GPLD1: variants seen among roughly 807,000 people sequenced by gnomAD.
The protein encoded by GPLD1 is glycosylphosphatidylinositol specific phospholipase D1.
A neutral mutation model predicts 112.6 loss-of-function variants in GPLD1; 84 were observed. That is an observed-to-expected ratio of 0.75 (90% CI 0.63 to 0.89). The LOEUF (loss-of-function observed/expected upper bound fraction) is 0.89. Ranked by LOEUF, GPLD1 falls within the 40% of genes least tolerant of loss-of-function variation. GPLD1 has a pLI of 0.00. For synonymous variants in GPLD1, 386 were observed against 403.8 expected (o/e 0.96, Z 0.53); for missense variants, 1,044 against 1,051.5 (o/e 0.99, Z 0.10).
intron 12 of GPLD1, among the ~76,000 whole-genome samples, chr6:24,459,814 G>A (rs947347607): frequency 1.3e-5 from 2 of 152,200 alleles, no homozygotes; most frequent in African/African-American, 2.4e-5. Context: ...TCCAAAGAAG[G>A]ATTGGCCTGG....
At chr6:24,468,026 C>T (rs906298434) in intron 7 of GPLD1, among the ~76,000 whole-genome samples, 9 of 152,176 alleles carry the variant, frequency 5.9e-5, no homozygotes, top group African/African-American at 2.2e-4. Context: ...CCTGCCTCAG[C>T]CTCCCAAGCA....
Position 24,476,223 on chromosome 6 carries a change from G to T in GPLD1, c.288C>A (p.Ser96Arg), listed in dbSNP as rs145430314. Reference protein sequence around the residue: ...STHWTPFLNASVHYIRENYPL... With the variant: ...STHWTPFLNARVHYIRENYPL... Reference sequence around the variant, plus strand: ...GATAGTTCTCTCGGATATAATGAACGCTTGCATTAAGAAACGGAGTCCAGT... The same window carrying T: ...GATAGTTCTCTCGGATATAATGAACTCTTGCATTAAGAAACGGAGTCCAGT... Residue 96 changes from serine to arginine, a missense_variant, in exon 4 of 25, where the codon AGC (serine) becomes AGA (arginine). Transcript: ENST00000230036. The T allele has an allele frequency of 1.9e-6, 3 of 1,576,226 alleles. No homozygotes were observed. The Admixed American group carries it at 5.3e-5, about 28-fold the overall frequency.
intron 1 of GPLD1, among the ~76,000 whole-genome samples, chr6:24,487,133 C>CTATAT (rs10640569): frequency 0.19 from 29,075 of 151,920 alleles, 3,047 homozygotes; most frequent in African/African-American, 0.28. Context: ...ATTGCCACTA[C>CTATAT]TATAAGCATT....
At chr6:24,473,551 C>T (rs1299769053) in intron 6 of GPLD1, 68 bp downstream of exon 6, 1 of 933,612 alleles carries the variant, frequency 1.1e-6, no homozygotes, top group East Asian at 2.4e-5. Flanking sequence ...ATATTTAAAG[C>T]ACAGTAGTGA....
intron 2 of GPLD1, among the ~76,000 whole-genome samples, chr6:24,484,300 C>T (rs1289100702): frequency 6.6e-6 from 1 of 151,350 alleles, no homozygotes; most frequent in East Asian, 2.0e-4. Flanking sequence ...CAGCCTCTAC[C>T]TCCCGGGTTC....
intron 14 of GPLD1, among the ~76,000 whole-genome samples, chr6:24,451,273 C>G (rs1763073796): frequency 6.6e-6 from 1 of 152,128 alleles, no homozygotes; most frequent in Non-Finnish European, 1.5e-5. Flanking sequence ...CTTTCTTATC[C>G]TACCGTCTGG....
At chr6:24,424,895 C>T (rs931886624), downstream of GPLD1, 1 of 152,160 alleles carries the variant, frequency 6.6e-6, no homozygotes, top group Non-Finnish European at 1.5e-5. Context: ...AAATGTTACT[C>T]CCGTCGCTGA....
intron 7 of GPLD1, among the ~76,000 whole-genome samples, chr6:24,469,513 T>C (rs2127357027): frequency 1.1e-5 from 1 of 92,160 alleles, no homozygotes; most frequent in East Asian, 2.8e-4. Context: ...TCATTCTCAG[T>C]AAACTATCGC....
At chr6:24,447,831 A>G (rs780538626) in intron 17 of GPLD1, 46 bp downstream of exon 17, 63 of 1,586,592 alleles carry the variant, frequency 4.0e-5, no homozygotes, top group Non-Finnish European at 5.2e-5. Flanking sequence ...GTTGTCGTAG[A>G]CACACAGAGC....
intron 7 of GPLD1, among the ~76,000 whole-genome samples, chr6:24,468,616 C>T (rs185266377): frequency 2.4e-4 from 37 of 151,214 alleles, no homozygotes; most frequent in African/African-American, 8.7e-4. Context: ...TGCAGTGGTG[C>T]GATATCGGTT....
chr6:24,481,937 C>T (rs917093510), intron 2 of GPLD1, among the ~76,000 whole-genome samples: 2 of 152,026 alleles, frequency 1.3e-5, no homozygotes, highest in South Asian at 4.1e-4. Flanking sequence ...TGTATTAAGA[C>T]TTGTTGAATC....
chr6:24,440,591 A>AAAAAAAAG (rs1762714026), intron 20 of GPLD1, among the ~76,000 whole-genome samples: 1 of 150,404 alleles, frequency 6.6e-6, no homozygotes, highest in Non-Finnish European at 1.5e-5. Flanking sequence ...CAAAAAAAAA[A>AAAAAAAAG]AAAAAAGAAG....
intron 20 of GPLD1, among the ~76,000 whole-genome samples, chr6:24,440,525 G>T (rs1477719429): frequency 7.1e-6 from 1 of 141,450 alleles, no homozygotes; most frequent in Non-Finnish European, 1.5e-5. Flanking sequence ...TCAAAACTAT[G>T]AAGATGTCAA....
At chr6:24,453,684 T>A (rs1763167707) in intron 14 of GPLD1, among the ~76,000 whole-genome samples, 1 of 120,996 alleles carries the variant, frequency 8.3e-6, no homozygotes, top group South Asian at 3.1e-4. Context: ...CAAAGTTTTA[T>A]AAATACATAC....
intron 12 of GPLD1, among the ~76,000 whole-genome samples, chr6:24,459,453 CATT>C (rs4052660): frequency 0.42 from 63,626 of 151,752 alleles, 13,649 homozygotes; most frequent in Middle Eastern, 0.48. Context: ...GACAGGGTCT[CATT>C]ATGTTACCCA....
chr6:24,492,530 GAAAGAAAAA>G (rs1275293205), upstream of GPLD1, among the ~76,000 whole-genome samples: 3 of 142,414 alleles, frequency 2.1e-5, no homozygotes, highest in African/African-American at 5.2e-5. Context: ...AAAAAAAAGT[GAAAGAAAAA>G]AAAGAAAAAG....
intron 3 of GPLD1, among the ~76,000 whole-genome samples, chr6:24,477,605 C>T (rs1341107855): frequency 6.6e-6 from 1 of 151,814 alleles, no homozygotes; most frequent in Non-Finnish European, 1.5e-5. Context: ...TGGTACACAC[C>T]TATAGTCTCA....
intron 1 of GPLD1, among the ~76,000 whole-genome samples, chr6:24,487,349 T>C (rs1764412075): frequency 6.9e-6 from 1 of 145,382 alleles, no homozygotes; most frequent in Non-Finnish European, 1.5e-5. Context: ...GTTTTGGTCT[T>C]CTTCTATGTA....
chr6:24,474,079 T>A (rs571992292), intron 5 of GPLD1, among the ~76,000 whole-genome samples: 1 of 151,658 alleles, frequency 6.6e-6, no homozygotes, highest in Non-Finnish European at 1.5e-5. Context: ...TGAGCCGAGA[T>A]TGCACCACTG....
Sources: gnomAD v4.1 joint callset for allele counts (sites outside exome capture counted in the v4.1 genomes callset) on GRCh38, gnomAD v4.1.1 for gene constraint, MANE v1.5 for transcripts, NCBI Gene and HGNC (gene_info 2026-07-23, HGNC 2026-07-21) for gene names.